RPS6KA2: variants seen among roughly 807,000 people sequenced by gnomAD.
The protein encoded by RPS6KA2 is ribosomal protein S6 kinase alpha-2.
RPS6KA2 carries 42 observed loss-of-function variants against 91.8 expected under a neutral mutation model. The ratio of observed to expected loss-of-function variants is 0.46; its 90% confidence interval spans 0.36 to 0.59. The LOEUF (loss-of-function observed/expected upper bound fraction) is 0.59, where lower values mean the gene tolerates loss of function less well. Among genes scored for constraint, RPS6KA2 ranks in the 20% least tolerant of loss-of-function variants. RPS6KA2 has a pLI of 0.00. For missense variants in RPS6KA2, 798 were observed against 978.5 expected (o/e 0.82, Z 2.46); for synonymous variants, 414 against 393.6 (o/e 1.05, Z -0.61).
chr6:166,809,066 G>C (rs924402871), intron 2 of RPS6KA2, among the ~76,000 whole-genome samples: 2 of 152,136 alleles, frequency 1.3e-5, no homozygotes, highest in Admixed American at 1.3e-4. Context: ...AGCTCAGAGA[G>C]AGACCACATA....
At chr6:166,436,420 G>A (rs1224666116) in intron 14 of RPS6KA2, among the ~76,000 whole-genome samples, 1 of 152,106 alleles carries the variant, frequency 6.6e-6, no homozygotes, top group Admixed American at 6.5e-5. Context: ...GAGGGTCACT[G>A]GCCGGCCAGC....
chr6:166,446,142 T>C (rs1366595249), intron 14 of RPS6KA2, among the ~76,000 whole-genome samples: 2 of 152,262 alleles, frequency 1.3e-5, no homozygotes, highest in African/African-American at 2.4e-5. Context: ...ACAAGCTCGT[T>C]GCACAGAAAT....
At chr6:166,614,682 T>C (rs553380766) in intron 1 of RPS6KA2, among the ~76,000 whole-genome samples, 1 of 152,338 alleles carries the variant, frequency 6.6e-6, no homozygotes, top group South Asian at 2.1e-4. Context: ...TTTGCTGGTG[T>C]TGGCAAGGCC....
intron 8 of RPS6KA2, among the ~76,000 whole-genome samples, chr6:166,491,869 T>C (rs1583201538): frequency 6.6e-6 from 1 of 152,256 alleles, no homozygotes; most frequent in African/African-American, 2.4e-5. Flanking sequence ...AGGTTTTGTA[T>C]ACTAACTTTT....
chr6:166,449,763 C>A (rs1439447360), intron 13 of RPS6KA2, among the ~76,000 whole-genome samples: 1 of 152,090 alleles, frequency 6.6e-6, no homozygotes, highest in Non-Finnish European at 1.5e-5. Flanking sequence ...GGAATACCAC[C>A]ACGGAGACCA....
chr6:166,599,851 C>T (rs2128525540), intron 1 of RPS6KA2, among the ~76,000 whole-genome samples: 1 of 152,188 alleles, frequency 6.6e-6, no homozygotes, highest in East Asian at 1.9e-4. Context: ...ACTCCATCTC[C>T]ATCCTCCATG....
At chr6:166,854,336 A>T (rs540919825) in intron 2 of RPS6KA2, among the ~76,000 whole-genome samples, 5 of 152,316 alleles carry the variant, frequency 3.3e-5, no homozygotes, top group African/African-American at 1.2e-4. Flanking sequence ...ACATGCCTAG[A>T]TATCCTATGT....
intron 2 of RPS6KA2, among the ~76,000 whole-genome samples, chr6:166,536,381 T>C (rs950744974): frequency 6.6e-6 from 1 of 152,170 alleles, no homozygotes; most frequent in African/African-American, 2.4e-5. Context: ...GTTATTTGCA[T>C]GTAGAGAGGA....
chr6:166,670,375 A>G (rs9348169), intron 2 of RPS6KA2, among the ~76,000 whole-genome samples: 32,649 of 152,192 alleles, frequency 0.21, 3,746 homozygotes, highest in African/African-American at 0.31. Flanking sequence ...ATGTAGCCTC[A>G]TGAAGAACTG....
At chr6:166,471,542 G>C (rs78413643) in intron 10 of RPS6KA2, among the ~76,000 whole-genome samples, 2 of 152,230 alleles carry the variant, frequency 1.3e-5, no homozygotes, top group African/African-American at 4.8e-5. Flanking sequence ...ACACTTTGAC[G>C]TGAAAGTCCA....
chr6:166,585,407 T>G (rs1286953654), intron 1 of RPS6KA2, among the ~76,000 whole-genome samples: 2 of 152,074 alleles, frequency 1.3e-5, no homozygotes, highest in African/African-American at 4.8e-5. Flanking sequence ...TTACAGAACC[T>G]AATTTTCACA....
chr6:166,763,541 C>A (rs1457428799), intron 2 of RPS6KA2, among the ~76,000 whole-genome samples: 1 of 152,158 alleles, frequency 6.6e-6, no homozygotes, highest in Non-Finnish European at 1.5e-5. Context: ...TTAGAACATA[C>A]TGAGTATTCT....
At chr6:166,814,111 T>C (rs1779705051) in intron 2 of RPS6KA2, among the ~76,000 whole-genome samples, 1 of 152,234 alleles carries the variant, frequency 6.6e-6, no homozygotes. Flanking sequence ...ATACGTATGG[T>C]TTTATGCCTA....
chr6:166,798,720 AG>A (rs1163661361), intron 2 of RPS6KA2, among the ~76,000 whole-genome samples: 2 of 152,222 alleles, frequency 1.3e-5, no homozygotes, highest in Admixed American at 1.3e-4. Context: ...TGATCTGTCT[AG>A]GAACTTCTCT....
At chr6:166,691,788 C>A (rs77875393) in intron 2 of RPS6KA2, among the ~76,000 whole-genome samples, 208 of 152,294 alleles carry the variant, frequency 1.4e-3, no homozygotes, top group African/African-American at 4.9e-3. Flanking sequence ...AAGAACAATG[C>A]TAACTAGATT....
At chr6:166,616,279 TGCCACATA>T (rs1473906217) in intron 1 of RPS6KA2, among the ~76,000 whole-genome samples, 1 of 152,082 alleles carries the variant, frequency 6.6e-6, no homozygotes, top group African/African-American at 2.4e-5. Flanking sequence ...GTCATATGAG[TGCCACATA>T]GCAGAGCCAG....
At position 166,437,877 on chromosome 6, in the gene RPS6KA2, G is replaced by C. The variant is rs992792220; in HGVS notation, c.1333-5387C>G. Among the ~76,000 whole-genome samples the C allele has an allele frequency of 7.9e-5, 12 of 152,146 alleles. No homozygotes were observed. The highest frequency in any genetic ancestry group is 2.4e-5 in the African/African-American group (1 of 41,378). On this transcript the variant is annotated intron_variant, in intron 14 of 20. Coordinates refer to ENST00000265678, the MANE Select transcript of RPS6KA2 (RefSeq NM_021135.6). The surrounding 1 kb of genome is among the most constrained non-coding windows in gnomAD (Gnocchi z 4.3). Reference sequence around the variant, plus strand: ...TCACCGCTCTCGATACACCTTTCTGGTCTTTGCGTTTCTCTACCTTCCCTG... The same window carrying C: ...TCACCGCTCTCGATACACCTTTCTGCTCTTTGCGTTTCTCTACCTTCCCTG...
chr6:166,465,032 A>G (rs1780468539), intron 11 of RPS6KA2, among the ~76,000 whole-genome samples: 1 of 152,262 alleles, frequency 6.6e-6, no homozygotes, highest in Non-Finnish European at 1.5e-5. Context: ...ATCTGCTGGC[A>G]GTATCGGATC....
chr6:166,671,594 C>T (rs1583005112), intron 2 of RPS6KA2, among the ~76,000 whole-genome samples: 1 of 152,328 alleles, frequency 6.6e-6, no homozygotes, highest in Non-Finnish European at 1.5e-5. Context: ...AGACTCAACA[C>T]AGCCTCAGAT....
Sources: allele counts gnomAD v4.1 joint callset (sites outside exome capture counted in the v4.1 genomes callset), GRCh38; gene constraint gnomAD v4.1.1; non-coding constraint Gnocchi (gnomAD v3.1); transcripts MANE v1.5; gene names NCBI Gene and HGNC (gene_info 2026-07-23, HGNC 2026-07-21).